KMT2C: variants seen among roughly 807,000 people sequenced by gnomAD.
The protein encoded by KMT2C is histone-lysine N-methyltransferase 2C.
A neutral mutation model predicts 507.9 loss-of-function variants in KMT2C; 88 were observed. The ratio of observed to expected loss-of-function variants is 0.17; its 90% CI spans 0.15 to 0.21. KMT2C has a LOEUF of 0.21. KMT2C is among the 10% of genes least tolerant of loss of function. The pLI is 1.00. For missense variants in KMT2C, 4,954 were observed against 5,957.8 expected, an observed-to-expected ratio of 0.83 and a Z score of 5.55; for synonymous variants, 2,049 against 2,080.8, an observed-to-expected ratio of 0.98 and a Z score of 0.42.
rs773348724 is a variant in KMT2C, at chr7:152,181,964, G to T, written c.5896C>A (p.Pro1966Thr). 7 of 1,614,054 alleles carry T rather than the reference G, an allele frequency of 4.3e-6. No homozygotes were observed. The Admixed American group carries it at 6.7e-5, about 15-fold the overall frequency. The change falls in exon 36 of 59, where the codon CCT becomes ACT. Residue 1966 changes from proline to threonine, a missense_variant. By Grantham distance (38) the Pro-to-Thr change is conservative. Transcript: ENST00000262189. ...ATCACAGGCCTAGGTGTGTCTGGAG[G>T]TTTTGCATAGGGGTCATTATTTGTC... ...STTNNDPYAK[P>T]PDTPRPVMTD...
intron 9 of KMT2C, among the ~76,000 whole-genome samples, chr7:152,262,436 GC>G (rs1563636727): frequency 6.6e-6 from 1 of 152,166 alleles, no homozygotes; most frequent in African/African-American, 2.4e-5. Flanking sequence ...CTACCCCACT[GC>G]CCCCAACCCG....
chr7:152,169,264 AT>A lies in KMT2C; in HGVS notation c.9454-16del. The A allele has an allele frequency of 6.9e-7, 1 of 1,451,560 alleles. No individual in the cohort carries two copies. Among genetic ancestry groups the A allele is most frequent in the Non-Finnish European group, 9.7e-7 (1 of 1,033,032 alleles). The allele number at this position is 1,451,560 out of a possible 1,614,324, so 89.9% of individuals were successfully genotyped here. On this transcript the variant is annotated splice_polypyrimidine_tract_variant and intron_variant, in intron 40 of 58. Transcript: ENST00000262189. ...ATACTGCCATCCTAAAATAAGTAAA[AT>A]TTACAAATATGTTTATTCCACATTT...
intron 55 of KMT2C, among the ~76,000 whole-genome samples, chr7:152,140,693 C>G (rs1047472272): frequency 1.3e-5 from 2 of 152,172 alleles, no homozygotes; most frequent in Non-Finnish European, 2.9e-5. Context: ...CAACTGCATT[C>G]TAGTCGGAAT....
At chr7:152,143,094 A>G (rs996229600) in intron 55 of KMT2C, among the ~76,000 whole-genome samples, 4 of 152,236 alleles carry the variant, frequency 2.6e-5, no homozygotes, top group East Asian at 1.9e-4. Context: ...ACGAATGGGT[A>G]TAAGAGTGAA....
At chr7:152,255,123 A>ATATG (rs2095630825) in intron 9 of KMT2C, among the ~76,000 whole-genome samples, 1 of 112,632 alleles carries the variant, frequency 8.9e-6, no homozygotes. Context: ...ATATATATAT[A>ATATG]TATATATATA....
intron 1 of KMT2C, among the ~76,000 whole-genome samples, chr7:152,421,565 AAAAG>A (rs1243312435): frequency 1.3e-5 from 2 of 152,250 alleles, no homozygotes; most frequent in Non-Finnish European, 2.9e-5. Context: ...CAGCCATAAA[AAAAG>A]AATGAAATGA....
At chr7:152,302,332 T>C (rs2096576754) in intron 6 of KMT2C, among the ~76,000 whole-genome samples, 1 of 152,208 alleles carries the variant, frequency 6.6e-6, no homozygotes, top group African/African-American at 2.4e-5. Context: ...CAAGTGATTC[T>C]CCTGCCTCAG....
chr7:152,407,035 T>A (rs1183402825), intron 1 of KMT2C, among the ~76,000 whole-genome samples: 1 of 151,694 alleles, frequency 6.6e-6, no homozygotes. Flanking sequence ...CATACTATGA[T>A]TTACTTCTCC....
At chr7:152,170,212 A>G (rs188508460) in intron 40 of KMT2C, among the ~76,000 whole-genome samples, 2 of 152,324 alleles carry the variant, frequency 1.3e-5, no homozygotes, top group East Asian at 3.9e-4. Flanking sequence ...TCAGCTATAA[A>G]GGCTATGCTT....
chr7:152,396,975 A>G lies in KMT2C; in HGVS notation c.162-38300T>C, dbSNP rs115843909. 8.6e-3 allele frequency among the ~76,000 whole-genome samples: 1,311 copies of G among 152,330 alleles called. 21 individuals are homozygous for G. The highest frequency in any genetic ancestry group is 0.03 in the African/African-American group (1,265 of 41,572). ...CCTTACAAAGATAATAAAACTGGAA[A>G]TCAACTAAATGACCATCAGTAGGGG... On this transcript the variant is annotated intron_variant, in intron 1 of 58. Coordinates refer to ENST00000262189, the MANE Select transcript of KMT2C (RefSeq NM_170606.3).
chr7:152,255,659 C>G (rs13222589), intron 9 of KMT2C, among the ~76,000 whole-genome samples: 27 of 152,110 alleles, frequency 1.8e-4, no homozygotes, highest in Non-Finnish European at 2.6e-4. Flanking sequence ...CAGTGTCGTA[C>G]TGGTGAATGA....
chr7:152,391,521 C>G (rs1350503142), intron 1 of KMT2C, among the ~76,000 whole-genome samples: 1 of 147,494 alleles, frequency 6.8e-6, no homozygotes, highest in Non-Finnish European at 1.5e-5. Flanking sequence ...GGATTACAGA[C>G]ATGAGCCACT....
chr7:152,404,631 C>CAAAA (rs68171347), intron 1 of KMT2C, among the ~76,000 whole-genome samples: 1 of 66,174 alleles, frequency 1.5e-5, no homozygotes, highest in Non-Finnish European at 3.3e-5. Context: ...ACTCAGGTCT[C>CAAAA]AAAAAAAAAA....
intron 14 of KMT2C, among the ~76,000 whole-genome samples, chr7:152,245,240 G>T (rs3925594): frequency 6.6e-6 from 1 of 152,056 alleles, no homozygotes; most frequent in African/African-American, 2.4e-5. Context: ...TGTCGATCTT[G>T]AATTCTTTTG....
intron 2 of KMT2C, among the ~76,000 whole-genome samples, chr7:152,349,235 C>T (rs960518353): frequency 1.3e-5 from 2 of 152,126 alleles, no homozygotes; most frequent in African/African-American, 4.8e-5. Flanking sequence ...CACCTGAGAT[C>T]AGGAGTTCGA....
chr7:152,381,848 G>T (rs2129250426), intron 1 of KMT2C, among the ~76,000 whole-genome samples: 1 of 152,290 alleles, frequency 6.6e-6, no homozygotes, highest in African/African-American at 2.4e-5. Flanking sequence ...CATTCTGCCA[G>T]TTCTTTCCAA....
intron 38 of KMT2C, among the ~76,000 whole-genome samples, chr7:152,174,652 A>C (rs1004364806): frequency 4.6e-5 from 7 of 152,008 alleles, no homozygotes; most frequent in African/African-American, 1.7e-4. Flanking sequence ...TAAGGGTATA[A>C]CCTCTCAATA....
In KMT2C at chr7:152,177,089, C is replaced by A. The variant is rs551613061; in HGVS notation, c.8364G>T (p.Gln2788His). Residue 2788 changes from glutamine to histidine, a missense_variant, in exon 38 of 59, where the codon CAG (glutamine) becomes CAT (histidine). Physicochemically the swap from Gln to His is conservative, Grantham distance 24. Transcript: ENST00000262189. ...TTTTTTTTGGTTCAACAGATACACA[C>A]TGATTATCTAACTTATCATCAATTG... ...DLPIDDKLDN[Q>H]CVSVEPKKKE... is the part of the protein sequence containing the mutation. The A allele has an allele frequency of 6.2e-7, 1 of 1,612,460 alleles. No individual in the cohort carries two copies. The highest frequency in any genetic ancestry group is 1.3e-5 in the African/African-American group (1 of 74,864).
chr7:152,146,696 C>T lies in KMT2C; in HGVS notation c.13934G>A (p.Arg4645Lys). The change falls in exon 53 of 59, where the codon AGA becomes AAA. Residue 4645 changes from arginine to lysine, a missense_variant. Arg to Lys is a conservative substitution (Grantham distance 26). Coordinates refer to ENST00000262189, the MANE Select transcript of KMT2C (RefSeq NM_170606.3). Reference sequence around the variant, plus strand: ...AAGCTGGAGCATTTCAGACTTTTTTCTCACACATGCCACAGGCTCCAAAAT... The same window carrying T: ...AAGCTGGAGCATTTCAGACTTTTTTTTCACACATGCCACAGGCTCCAAAAT... ...DKILEPVACV[R>K]KKSEMLQLFP... The T allele has an allele frequency of 6.2e-7, 1 of 1,614,042 alleles. No individual in the cohort carries two copies. The highest frequency in any genetic ancestry group is 8.5e-7 in the Non-Finnish European group (1 of 1,179,926).
Sources: allele counts gnomAD v4.1 joint callset (sites outside exome capture counted in the v4.1 genomes callset), GRCh38; gene constraint gnomAD v4.1.1; transcripts MANE v1.5; gene names NCBI Gene and HGNC (gene_info 2026-07-23, HGNC 2026-07-21).